The following PRL variants were observed in gnomAD, a reference collection of about 807,000 sequenced individuals.
The protein encoded by PRL is prolactin, also known as decidual prolactin.
A neutral mutation model predicts 21.3 loss-of-function variants in PRL; 24 were observed. That is an observed-to-expected ratio of 1.13 (90% confidence interval 0.82 to 1.59). The LOEUF is 1.59. PRL is among the 40% of genes most tolerant of loss of function. The pLI is 0.00. For synonymous variants in PRL, 118 were observed against 115.7 expected, an observed-to-expected ratio of 1.02 and a Z score of -0.13; for missense variants, 243 against 286.9, an observed-to-expected ratio of 0.85 and a Z score of 1.10.
rs750271771 is a variant in PRL, at chr6:22,292,629, T to C, written c.221A>G (p.His74Arg). ...MFSEFDKRYT[H>R]GRGFITKAIN... ...GGCCTTGGTAATGAACCCCCGGCCA[T>C]GGGTATACCGTTTATCCTGGAAATG... The change falls in exon 3 of 5, where the codon CAT becomes CGT. Residue 74 changes from histidine (H) to arginine (R), a missense_variant. By Grantham distance (29) the His-to-Arg change is conservative (BLOSUM62 0). Transcript: ENST00000306482. The C allele has an allele frequency of 2.2e-5, 36 of 1,613,932 alleles. No individual in the cohort carries two copies. Among genetic ancestry groups the C allele is most frequent in the Non-Finnish European group, 3.1e-5 (36 of 1,179,990 alleles).
Position 22,287,315 on chromosome 6 carries a change from G to A in PRL, c.*87C>T, listed in dbSNP as rs1161573538. ...GAGGAGACCTGTTACACCCAAGCATGGATTCAAAAGAGATACAACTAAAAG... is the reference window on the plus strand; with the variant it reads ...GAGGAGACCTGTTACACCCAAGCATAGATTCAAAAGAGATACAACTAAAAG... On this transcript the variant is annotated 3_prime_UTR_variant, in exon 5 of 5. Coordinates refer to ENST00000306482, the MANE Select transcript of PRL (RefSeq NM_000948.6). 4 of 1,325,802 alleles carry A rather than the reference G, an allele frequency of 3.0e-6. No homozygotes were observed. The African/African-American group carries it at 5.9e-5, about 19-fold the overall frequency. The allele number at this position is 1,325,802 out of a possible 1,614,324, so 82.1% of individuals were successfully genotyped here.
At position 22,294,439 on chromosome 6, in the gene PRL, A is replaced by G. The variant is rs1379898652; in HGVS notation, c.174T>C (p.His58=). 2 of 1,614,024 alleles carry G rather than the reference A, an allele frequency of 1.2e-6. No individual in the cohort carries two copies. The highest frequency in any genetic ancestry group is 2.7e-5 in the African/African-American group (2 of 74,914). The change falls in exon 2 of 5, where the codon CAT becomes CAC. Residue 58 remains histidine (H), a synonymous_variant. Coordinates refer to ENST00000306482, the MANE Select transcript of PRL (RefSeq NM_000948.6). Reference sequence around the variant, plus strand: ...CGCTGAACATTTCTGAGGAGAGGTTATGGATGTAGTGGGACAGGACGACGG... The same window carrying G: ...CGCTGAACATTTCTGAGGAGAGGTTGTGGATGTAGTGGGACAGGACGACGG... ...DRAVVLSHYI[H]NLSSEMFSEF... is the part of the protein sequence containing the mutation.
chr6:22,301,643 C>T (rs1438107492), upstream of PRL, among the ~76,000 whole-genome samples: 1 of 152,186 alleles, frequency 6.6e-6, no homozygotes, highest in Non-Finnish European at 1.5e-5. Flanking sequence ...AAAAGTAGAG[C>T]AGGCTCTTCA....
upstream of PRL, chr6:22,297,068 A>T: frequency 7.4e-7 from 1 of 1,357,710 alleles, no homozygotes; most frequent in South Asian, 1.2e-5. Context: ...TGGCTTTATA[A>T]ACCTTTGATA....
Position 22,294,537 on chromosome 6 carries a change from C to T in PRL, c.76G>A (p.Val26Met). The T allele has an allele frequency of 2.5e-6, 4 of 1,613,386 alleles. No individual in the cohort carries two copies. Among genetic ancestry groups the T allele is most frequent in the African/African-American group, 1.3e-5 (1 of 75,042 alleles). ...CCGGGACAGATGGGCAAGGGGGCCA[C>T]GCTCTGGCACAGGAGCAGGTTTGAC... ...LVSNLLLCQS[V>M]APLPICPGGA... The change falls in exon 2 of 5, where the codon GTG becomes ATG. Residue 26 changes from valine to methionine, a missense_variant. Coordinates refer to ENST00000306482, the MANE Select transcript of PRL (RefSeq NM_000948.6).
chr6:22,287,419 G>A lies in PRL; in HGVS notation c.667C>T (p.His223Tyr), dbSNP rs900584532. The change falls in exon 5 of 5, where the codon CAC becomes TAC. Residue 223 changes from histidine to tyrosine, a missense_variant. Coordinates refer to ENST00000306482, the MANE Select transcript of PRL (RefSeq NM_000948.6). ...YLKLLKCRII[H>Y]NNNC ...ATGTGGGCTTAGCAGTTGTTGTTGT[G>A]GATGATTCGGCACTTCAGGAGCTTG... 3 of 1,613,300 alleles carry A rather than the reference G, an allele frequency of 1.9e-6. No individual in the cohort carries two copies. Among genetic ancestry groups the A allele is most frequent in the Non-Finnish European group, 2.5e-6 (3 of 1,179,464 alleles).
intron 4 of PRL, among the ~76,000 whole-genome samples, chr6:22,289,404 T>C (rs1761000308): frequency 1.3e-5 from 2 of 152,318 alleles, no homozygotes; most frequent in African/African-American, 2.4e-5. Flanking sequence ...CTCACTAATG[T>C]TGAAATTATC....
Position 22,292,565 on chromosome 6 carries a change from T to G in PRL, c.285A>C (p.Glu95Asp), listed in dbSNP as rs1316233825. ...SCHTSSLATP[E>D]DKEQAQQMNQ... Reference sequence around the variant, plus strand: ...TCATCTGTTGGGCTTGCTCCTTGTCTTCGGGGGTGGCAAGGGAAGAAGTGT... The same window carrying G: ...TCATCTGTTGGGCTTGCTCCTTGTCGTCGGGGGTGGCAAGGGAAGAAGTGT... Residue 95 changes from glutamate to aspartate, a missense_variant, in exon 3 of 5, where the codon GAA (glutamate) becomes GAC (aspartate). By Grantham distance (45) the Glu-to-Asp change is conservative. Coordinates refer to ENST00000306482, the MANE Select transcript of PRL (RefSeq NM_000948.6). 6.2e-7 allele frequency: 1 copy of G among 1,614,190 alleles called. No homozygotes were observed. The highest frequency in any genetic ancestry group is 8.5e-7 in the Non-Finnish European group (1 of 1,180,020).
At chr6:22,296,762 G>T (rs1394468589) in intron 1 of PRL, among the ~76,000 whole-genome samples, 193 bp downstream of exon 1, 1 of 152,192 alleles carries the variant, frequency 6.6e-6, no homozygotes, top group African/African-American at 2.4e-5. Flanking sequence ...ATGCCTCTGA[G>T]AGAGGATTCC....
At chr6:22,296,537 C>A (rs1761176874) in intron 1 of PRL, among the ~76,000 whole-genome samples, 1 of 152,160 alleles carries the variant, frequency 6.6e-6, no homozygotes, top group Non-Finnish European at 1.5e-5. Flanking sequence ...CAAATTGGAC[C>A]CACAGACTCT....
rs925699809 is a variant in PRL, at chr6:22,290,368, A to G, written c.313-15T>C. 11 of 1,547,814 alleles carry G rather than the reference A, an allele frequency of 7.1e-6. No homozygotes were observed. The highest frequency in any genetic ancestry group is 9.7e-6 in the Non-Finnish European group (11 of 1,135,904). On this transcript the variant is annotated splice_polypyrimidine_tract_variant and intron_variant, in intron 3 of 4. Coordinates refer to ENST00000306482, the MANE Select transcript of PRL (RefSeq NM_000948.6). Reference sequence around the variant, plus strand: ...AAGTCTTTTTGCTACGAAACCATATAGAACAATTGCATTAAAATAGGTAAA... The same window carrying G: ...AAGTCTTTTTGCTACGAAACCATATGGAACAATTGCATTAAAATAGGTAAA...
intron 1 of PRL, among the ~76,000 whole-genome samples, chr6:22,295,045 G>A (rs1412496183): frequency 6.6e-6 from 1 of 151,956 alleles, no homozygotes; most frequent in Non-Finnish European, 1.5e-5. Flanking sequence ...CGATCCTTTC[G>A]ATTTATCATC....
chr6:22,295,964 A>C (rs2113514530), intron 1 of PRL, among the ~76,000 whole-genome samples: 1 of 152,360 alleles, frequency 6.6e-6, no homozygotes, highest in African/African-American at 2.4e-5. Context: ...TTTTTGTTTG[A>C]GATGATTCCT....
intron 2 of PRL, 125 bp downstream of exon 2, chr6:22,294,284 C>CGCCG: frequency 9.0e-7 from 1 of 1,107,562 alleles, no homozygotes; most frequent in Admixed American, 2.0e-5. Context: ...CTGGTGTCTT[C>CGCCG]TTTCACATGT....
At position 22,287,550 on chromosome 6, in the gene PRL, G is replaced by A. The variant is rs142454996; in HGVS notation, c.536C>T (p.Ser179Leu). ...TKENEIYPVW[S>L]GLPSLQMADE... is the part of the protein sequence containing the mutation. The stretch of plus-strand genomic sequence containing the variant: ...AGCCATCTGCAGGGATGGAAGTCCC[G>A]ACCAGACAGGGTAGATCTCATTTTC... Residue 179 changes from serine to leucine, a missense_variant, in exon 5 of 5, where the codon TCG becomes TTG. By Grantham distance (145) the Ser-to-Leu change is moderately radical (BLOSUM62 -2). Coordinates refer to ENST00000306482, the MANE Select transcript of PRL (RefSeq NM_000948.6). 26 of 1,613,760 alleles carry A rather than the reference G, an allele frequency of 1.6e-5. No homozygotes were observed. The highest frequency in any genetic ancestry group is 1.5e-4 in the South Asian group (14 of 91,000).
rs745471513 is a variant in PRL at position 22,288,859 on chromosome 6, A to AGT, written c.493-1268_493-1267dup. ...TCTGGGATTCCCTATTGGAATTTAA[A>AGT]GTGTGTGTGTGTGTATGCGCGTGCG... On this transcript the variant is annotated intron_variant, in intron 4 of 4. Coordinates refer to ENST00000306482, the MANE Select transcript of PRL (RefSeq NM_000948.6). This position sits in a 1 kb window ranked among gnomAD's most constrained non-coding sequence, Gnocchi z 4.5. 1.1e-3 allele frequency among the ~76,000 whole-genome samples: 169 copies of AGT among 151,508 alleles called. 1 individual carries two copies. The highest frequency in any genetic ancestry group is 5.3e-3 in the East Asian group (27 of 5,142).
upstream of PRL, chr6:22,297,390 T>A (rs1187223539): frequency 5.7e-6 from 1 of 174,686 alleles, no homozygotes; most frequent in Non-Finnish European, 1.2e-5. Flanking sequence ...GGATTATATT[T>A]CACTTAGGTA....
upstream of PRL, chr6:22,297,078 A>G: frequency 8.0e-7 from 1 of 1,256,132 alleles, no homozygotes. Flanking sequence ...AACCTTTGAT[A>G]TCTTCATGAA....
At chr6:22,298,525 T>A (rs1761224980), upstream of PRL, among the ~76,000 whole-genome samples, 1 of 152,192 alleles carries the variant, frequency 6.6e-6, no homozygotes, top group African/African-American at 2.4e-5. Flanking sequence ...AGTGCTCTTA[T>A]GGGGACCTAG....
Sources: allele counts gnomAD v4.1 joint callset (sites outside exome capture counted in the v4.1 genomes callset), GRCh38; gene constraint gnomAD v4.1.1; non-coding constraint Gnocchi (gnomAD v3.1); transcripts MANE v1.5; gene names NCBI Gene and HGNC (gene_info 2026-07-23, HGNC 2026-07-21).